THRA: variants seen among roughly 807,000 people sequenced by gnomAD.
THRA encodes EAR-7.
In THRA, 13 loss-of-function variants were observed where a neutral mutation model predicts 45.0. That is an observed-to-expected ratio of 0.29 (90% CI 0.19 to 0.46). The LOEUF (loss-of-function observed/expected upper bound fraction) is 0.46. THRA is among the 20% of genes least tolerant of loss of function. THRA has a pLI of 1.00. For missense variants in THRA, 278 were observed against 556.1 expected (o/e 0.50, Z 5.03); for synonymous variants, 195 against 214.0 (o/e 0.91, Z 0.78).
At chr17:40,085,645 A>ATT (rs1309369614) in intron 6 of THRA, among the ~76,000 whole-genome samples, 8 of 138,110 alleles carry the variant, frequency 5.8e-5, no homozygotes, top group East Asian at 2.1e-4. Context: ...TCTATGAATA[A>ATT]TTTTTTTTTT....
downstream of THRA, chr17:40,093,836 TA>T (rs1715966068): frequency 7.5e-7 from 1 of 1,339,684 alleles, no homozygotes. The surrounding 1 kb of genome is among the most constrained non-coding windows in gnomAD (Gnocchi z 5.9). Flanking sequence ...TGGCATAGAG[TA>T]GGTACTCCAT....
At chr17:40,065,252 G>A (rs557631278) in intron 1 of THRA, among the ~76,000 whole-genome samples, 1 of 152,174 alleles carries the variant, frequency 6.6e-6, no homozygotes, top group Non-Finnish European at 1.5e-5. Context: ...CCCCTGCTCT[G>A]AGTCATTTGC....
At chr17:40,068,371 A>G (rs1986647028) in intron 1 of THRA, among the ~76,000 whole-genome samples, 3 of 152,248 alleles carry the variant, frequency 2.0e-5, no homozygotes, top group South Asian at 4.1e-4. Flanking sequence ...GGCCTGGCAC[A>G]TGCCAGGGTG....
chr17:40,077,229 G>A (rs1353557660), intron 3 of THRA, among the ~76,000 whole-genome samples: 2 of 152,280 alleles, frequency 1.3e-5, no homozygotes, highest in East Asian at 3.9e-4. Flanking sequence ...ATTATCCCCA[G>A]TGAGCAGCTG....
At chr17:40,084,462 C>T in intron 5 of THRA, 148 bp from the exon 6 acceptor site, 1 of 825,698 alleles carries the variant, frequency 1.2e-6, no homozygotes, top group Non-Finnish European at 2.0e-6. Context: ...GGTTGTGCTG[C>T]CCAACTGCTA....
Position 40,092,781 on chromosome 17 carries a change from A to T in THRA, c.*3325A>T. 2.5e-6 allele frequency: 1 copy of T among 407,724 alleles called. No homozygotes were observed. Among genetic ancestry groups the T allele is most frequent in the Non-Finnish European group, 4.0e-6 (1 of 246,952 alleles). The allele number at this position is 407,724 out of a possible 1,614,324, so 25.3% of individuals were successfully genotyped here. ...CCCACCCCCCAAACGAGCACACACC[A>T]CAGAAGCCAGCTCAGCTGTGAACTA... On this transcript the variant is annotated 3_prime_UTR_variant, in exon 9 of 9. Coordinates refer to ENST00000450525, the MANE Select transcript of THRA (RefSeq NM_199334.5).
chr17:40,087,308 GACACAC>G (rs149986300), intron 7 of THRA, among the ~76,000 whole-genome samples: 3 of 105,444 alleles, frequency 2.8e-5, no homozygotes, highest in Non-Finnish European at 4.0e-5. Context: ...CACAGATACA[GACACAC>G]ACACACACAC....
In THRA at chr17:40,068,107, G is replaced by A. The variant is rs189767838; in HGVS notation, c.-298+5015G>A. ...GCAAAGGTGTCTAGGGGACTTTGGA[G>A]AACTGTTGTGTCTCTTGGGGAGGGA... is the stretch of plus-strand genomic sequence containing the variant. On this transcript the variant is annotated intron_variant, in intron 1 of 8. Transcript: ENST00000450525. Among the ~76,000 whole-genome samples, 30 of 152,346 alleles carry A rather than the reference G, an allele frequency of 2.0e-4. No homozygotes were observed. The East Asian group carries it at 4.4e-3, about 23-fold the overall frequency.
At chr17:40,072,434 C>T (rs1370747539) in intron 1 of THRA, among the ~76,000 whole-genome samples, 3 of 152,138 alleles carry the variant, frequency 2.0e-5, no homozygotes, top group East Asian at 3.9e-4. Context: ...CTCCGGCTGG[C>T]GAGTGGATTT....
chr17:40,090,138 C>G lies in THRA; in HGVS notation c.*682C>G. 1 of 598,908 alleles carries G rather than the reference C, an allele frequency of 1.7e-6. No individual in the cohort carries two copies. Among genetic ancestry groups the G allele is most frequent in the Non-Finnish European group, 2.1e-6 (1 of 479,012 alleles). The allele number at this position is 598,908 out of a possible 1,614,324, so 37.1% of individuals were successfully genotyped here. A position where few individuals can be genotyped will look rare whatever the true frequency, so the allele number is the denominator to read the frequency against. ...AGGACCCCCCCTTTACCACCCCATGCACTTTGCGAGCTGCCCCTTCTTCCC... is the reference window on the plus strand; with the variant it reads ...AGGACCCCCCCTTTACCACCCCATGGACTTTGCGAGCTGCCCCTTCTTCCC... On this transcript the variant is annotated 3_prime_UTR_variant, in exon 9 of 9. Transcript: ENST00000450525.
downstream of THRA, chr17:40,093,216 C>T: frequency 6.2e-7 from 1 of 1,613,644 alleles, no homozygotes; most frequent in Non-Finnish European, 8.5e-7. This position sits in a 1 kb window ranked among gnomAD's most constrained non-coding sequence, Gnocchi z 5.9. Flanking sequence ...CACCAGAGCC[C>T]GAAGAGCCCG....
intron 1 of THRA, among the ~76,000 whole-genome samples, chr17:40,064,618 C>T (rs141102337): frequency 3.3e-5 from 5 of 152,310 alleles, no homozygotes; most frequent in Middle Eastern, 3.4e-3. Context: ...AGTGTTCCTG[C>T]GTAATGGTGT....
chr17:40,089,754 T>G lies in THRA; in HGVS notation c.*298T>G, dbSNP rs1987465788. On this transcript the variant is annotated 3_prime_UTR_variant, in exon 9 of 9. Transcript: ENST00000450525. The surrounding 1 kb of genome is among the most constrained non-coding windows in gnomAD (Gnocchi z 6.1). ...AGAAGGTAGGGGAAGGGCGGGAGGATTGAGAAGGGACAAGCCACCTTGACC... is the reference window on the plus strand; with the variant it reads ...AGAAGGTAGGGGAAGGGCGGGAGGAGTGAGAAGGGACAAGCCACCTTGACC... The G allele has an allele frequency of 8.0e-7, 1 of 1,249,072 alleles. No homozygotes were observed. The highest frequency in any genetic ancestry group is 3.8e-5 in the Admixed American group (1 of 26,576). The allele number at this position is 1,249,072 out of a possible 1,614,324, so 77.4% of individuals were successfully genotyped here. A position where few individuals can be genotyped will look rare whatever the true frequency, so the allele number is the denominator to read the frequency against.
At chr17:40,069,202 A>C in intron 1 of THRA, among the ~76,000 whole-genome samples, 2 of 131,038 alleles carry the variant, frequency 1.5e-5, no homozygotes, top group African/African-American at 5.8e-5. Context: ...TCTCACACAC[A>C]CACTCTCAAT....
In THRA at chr17:40,091,829, A is replaced by G. The variant is rs1052665579; in HGVS notation, c.*2373A>G. 1 of 152,004 alleles carries G rather than the reference A, an allele frequency of 6.6e-6. No individual in the cohort carries two copies. The highest frequency in any genetic ancestry group is 1.5e-5 in the Non-Finnish European group (1 of 68,112). The allele number at this position is 152,004 out of a possible 1,614,324, so 9.4% of individuals were successfully genotyped here. A position where few individuals can be genotyped will look rare whatever the true frequency, so the allele number is the denominator to read the frequency against. The stretch of plus-strand genomic sequence containing the variant: ...AGGGGAGGAGCCAGGGCGACTCAGG[A>G]GTGCCACGCACCTGCTCTAGAGCGG... On this transcript the variant is annotated 3_prime_UTR_variant, in exon 9 of 9. Transcript: ENST00000450525.
In THRA at chr17:40,080,938, G is replaced by A. The variant is rs547815012; in HGVS notation, c.223-2897G>A. On this transcript the variant is annotated intron_variant, in intron 4 of 8. Coordinates refer to ENST00000450525, the MANE Select transcript of THRA (RefSeq NM_199334.5). Reference sequence around the variant, plus strand: ...AAGGTTTCACGATGTTGGCCACGTTGGTCTTGAACTCCTGACCTCGTGATC... The same window carrying A: ...AAGGTTTCACGATGTTGGCCACGTTAGTCTTGAACTCCTGACCTCGTGATC... Among the ~76,000 whole-genome samples the A allele has an allele frequency of 1.2e-4, 18 of 152,048 alleles. No homozygotes were observed. The South Asian group carries it at 3.5e-3, about 30-fold the overall frequency.
At chr17:40,093,357 T>C, downstream of THRA, 1 of 1,612,062 alleles carries the variant, frequency 6.2e-7, no homozygotes, top group Non-Finnish European at 8.5e-7. This position sits in a 1 kb window ranked among gnomAD's most constrained non-coding sequence, Gnocchi z 5.9. Context: ...TGCGAGGACC[T>C]GGCAGGCAAT....
intron 2 of THRA, among the ~76,000 whole-genome samples, chr17:40,075,477 C>G (rs2145058049): frequency 6.6e-6 from 1 of 152,340 alleles, no homozygotes; most frequent in African/African-American, 2.4e-5. Context: ...GGGTAGCTCC[C>G]CTCCCCCAAA....
intron 4 of THRA, among the ~76,000 whole-genome samples, chr17:40,079,939 C>G (rs145242749): frequency 2.8e-4 from 42 of 152,106 alleles, no homozygotes; most frequent in African/African-American, 1.0e-3. Context: ...TAGTGATGTA[C>G]GCCTGTAATC....
Sources: gnomAD v4.1 joint callset for allele counts (sites outside exome capture counted in the v4.1 genomes callset) on GRCh38, gnomAD v4.1.1 for gene constraint, Gnocchi (gnomAD v3.1) non-coding constraint, MANE v1.5 for transcripts, NCBI Gene and HGNC (gene_info 2026-07-23, HGNC 2026-07-21) for gene names.